Variants in NELL2 observed in about 807,000 individuals in gnomAD.
NELL2 encodes the protein neural EGFL like 2, also known as protein kinase C-binding protein NELL2.
A neutral mutation model predicts 109.6 loss-of-function variants in NELL2; 41 were observed. The observed-to-expected ratio is 0.37, with a 90% CI of 0.29 to 0.49. The LOEUF is 0.49. Ranked by LOEUF, NELL2 falls within the 20% of genes least tolerant of loss-of-function variation. The pLI is 0.98. For missense variants in NELL2, 900 were observed against 1,008.3 expected (o/e 0.89, Z 1.45); for synonymous variants, 355 against 344.7 (o/e 1.03, Z -0.33).
At chr12:44,530,509 C>G (rs527983726) in intron 16 of NELL2, among the ~76,000 whole-genome samples, 1 of 152,288 alleles carries the variant, frequency 6.6e-6, no homozygotes, top group South Asian at 2.1e-4. Flanking sequence ...ACTTAGTATT[C>G]AAGCCCTTGT....
chr12:44,907,818 T>C (rs1008317680), intron 1 of NELL2, among the ~76,000 whole-genome samples: 3 of 152,076 alleles, frequency 2.0e-5, no homozygotes, highest in South Asian at 2.1e-4. Context: ...AAAATCATTG[T>C]AATGATGTTC....
intron 15 of NELL2, among the ~76,000 whole-genome samples, chr12:44,568,081 G>A (rs1286860862): frequency 6.6e-6 from 1 of 151,914 alleles, no homozygotes; most frequent in African/African-American, 2.4e-5. Context: ...GGTGTAGTTG[G>A]TCTGATTAGC....
intron 3 of NELL2, among the ~76,000 whole-genome samples, chr12:44,796,309 A>G (rs929265992): frequency 6.6e-6 from 1 of 152,110 alleles, no homozygotes; most frequent in Non-Finnish European, 1.5e-5. Context: ...ATGGACAGAA[A>G]GTGTTTTAAC....
intron 1 of NELL2, among the ~76,000 whole-genome samples, chr12:44,883,735 A>G (rs763784804): frequency 1.3e-5 from 2 of 152,090 alleles, no homozygotes; most frequent in Admixed American, 6.5e-5. Flanking sequence ...CAATTGAAGT[A>G]ATAACATATG....
In NELL2 at chr12:44,598,163, CAAAAAAA is replaced by C. The variant is rs10538007; in HGVS notation, c.1663+8999_1663+9005del. On this transcript the variant is annotated intron_variant, in intron 15 of 19. Coordinates refer to ENST00000429094, the MANE Select transcript of NELL2 (RefSeq NM_001145108.2). ...TAACCTGGAATATAATTTATTCTCTCAAAAAAAAAAAAAAAAAAAACAGTAAGTTTTT... is the reference window on the plus strand; with the variant it reads ...TAACCTGGAATATAATTTATTCTCTCAAAAAAAAAAAAACAGTAAGTTTTT... 1.3e-3 allele frequency among the ~76,000 whole-genome samples: 159 copies of C among 122,874 alleles called. 1 individual carries two copies. In the East Asian group the frequency reaches 0.018, roughly 14 times the overall value. 80.6% of individuals were successfully genotyped at this position (122,874 alleles called of 152,430 possible).
At chr12:44,608,657 T>C (rs1324199533) in intron 14 of NELL2, among the ~76,000 whole-genome samples, 1 of 151,900 alleles carries the variant, frequency 6.6e-6, no homozygotes, top group African/African-American at 2.4e-5. Context: ...AGCTCTTTAT[T>C]CTATGAACTT....
intron 9 of NELL2, among the ~76,000 whole-genome samples, chr12:44,728,436 G>A (rs1421104603): frequency 6.6e-6 from 1 of 151,876 alleles, no homozygotes; most frequent in Non-Finnish European, 1.5e-5. Context: ...GCAGTCAGAG[G>A]AGCAAAAAGG....
At chr12:44,641,729 C>A (rs1464103989) in intron 13 of NELL2, among the ~76,000 whole-genome samples, 1 of 115,316 alleles carries the variant, frequency 8.7e-6, no homozygotes, top group Non-Finnish European at 1.6e-5. Context: ...TGGAGTCTTG[C>A]TCTGTCATCC....
At position 44,900,651 on chromosome 12, in the gene NELL2, G is replaced by T. The variant is rs112781349; in HGVS notation, c.38+13148C>A. On this transcript the variant is annotated intron_variant, in intron 1 of 20. Coordinates refer to the NELL2 transcript ENST00000333837. ...AATTTACAGCACTAAATGCCCACAA[G>T]AGAAAGTGGGAATGATCTAAAATTG... 1.7e-3 allele frequency among the ~76,000 whole-genome samples: 256 copies of T among 152,218 alleles called. 1 individual carries two copies. Among genetic ancestry groups the T allele is most frequent in the African/African-American group, 5.8e-3 (242 of 41,528 alleles).
intron 1 of NELL2, among the ~76,000 whole-genome samples, chr12:44,882,808 G>A (rs943236553): frequency 3.4e-5 from 5 of 147,652 alleles, no homozygotes; most frequent in South Asian, 2.1e-4. Flanking sequence ...GATTACAGGC[G>A]TGAGCCACCA....
At chr12:44,758,230 G>A (rs1940976375) in intron 9 of NELL2, among the ~76,000 whole-genome samples, 1 of 152,028 alleles carries the variant, frequency 6.6e-6, no homozygotes, top group Non-Finnish European at 1.5e-5. Context: ...TTCAAAATCT[G>A]GAAATTGTCT....
chr12:44,727,503 G>C (rs1271377024), intron 9 of NELL2, among the ~76,000 whole-genome samples: 1 of 151,886 alleles, frequency 6.6e-6, no homozygotes, highest in African/African-American at 2.4e-5. Flanking sequence ...TAACAGAAGT[G>C]GAAAAATGGA....
chr12:44,891,703 A>G (rs1326538846), intron 1 of NELL2, among the ~76,000 whole-genome samples: 2 of 152,162 alleles, frequency 1.3e-5, no homozygotes, highest in Admixed American at 6.5e-5. Context: ...GCTCTACTGT[A>G]AGAACAGAGC....
intron 15 of NELL2, among the ~76,000 whole-genome samples, chr12:44,552,698 A>T (rs908571115): frequency 2.0e-5 from 3 of 152,178 alleles, no homozygotes; most frequent in African/African-American, 7.2e-5. Context: ...TGATGTTAAG[A>T]CTGTAAGAAC....
In NELL2 at chr12:44,714,840, T is replaced by A. The variant is rs1938403195; in HGVS notation, c.995-99A>T. ...ACAGCATTCCACATGTTATACACCTTTTTTCAACATGTATGACTAACCAGA... is the reference window on the plus strand; with the variant it reads ...ACAGCATTCCACATGTTATACACCTATTTTCAACATGTATGACTAACCAGA... On this transcript the variant is annotated intron_variant, in intron 9 of 19. Coordinates refer to ENST00000429094, the MANE Select transcript of NELL2 (RefSeq NM_001145108.2). The A allele has an allele frequency of 4.7e-6, 3 of 638,242 alleles. No individual in the cohort carries two copies. The East Asian group carries it at 9.6e-5, about 21-fold the overall frequency. 39.5% of individuals were successfully genotyped at this position (638,242 alleles called of 1,614,324 possible). A position where few individuals can be genotyped will look rare whatever the true frequency, so the allele number is the denominator to read the frequency against.
chr12:44,738,737 C>CTAAT (rs1456509393), intron 9 of NELL2, among the ~76,000 whole-genome samples: 1 of 152,120 alleles, frequency 6.6e-6, no homozygotes, highest in African/African-American at 2.4e-5. Context: ...TTCTGGAGAT[C>CTAAT]TAATGTACAG....
chr12:44,654,714 C>G (rs541630486), intron 13 of NELL2, among the ~76,000 whole-genome samples: 1 of 152,094 alleles, frequency 6.6e-6, no homozygotes, highest in Non-Finnish European at 1.5e-5. Context: ...AACTCTATCT[C>G]AGGGCCCAAA....
intron 13 of NELL2, among the ~76,000 whole-genome samples, chr12:44,661,090 T>C (rs933292225): frequency 6.6e-6 from 1 of 152,120 alleles, no homozygotes; most frequent in African/African-American, 2.4e-5. Context: ...AGTATGACTT[T>C]CCAGGGGCAT....
At chr12:44,819,250 A>G (rs1943463015) in intron 2 of NELL2, among the ~76,000 whole-genome samples, 1 of 152,208 alleles carries the variant, frequency 6.6e-6, no homozygotes, top group Admixed American at 6.5e-5. Flanking sequence ...TTTGAAAAAA[A>G]TTTCTCTAGT....
Sources: gnomAD v4.1 joint callset for allele counts (sites outside exome capture counted in the v4.1 genomes callset) on GRCh38, gnomAD v4.1.1 for gene constraint, MANE v1.5 for transcripts, NCBI Gene and HGNC (gene_info 2026-07-23, HGNC 2026-07-21) for gene names.